LRRC4C: variants seen among roughly 807,000 people sequenced by gnomAD.
LRRC4C encodes leucine rich repeat containing 4C, also known as leucine-rich repeat-containing protein 4C.
In LRRC4C, 5 loss-of-function variants were observed where a neutral mutation model predicts 33.6. That is an observed-to-expected ratio of 0.15 (90% CI 0.08 to 0.31). LRRC4C has a LOEUF of 0.31. Among genes scored for constraint, LRRC4C ranks in the 10% least tolerant of loss-of-function variants. LRRC4C has a pLI of 1.00. For synonymous variants in LRRC4C, 329 were observed against 302.0 expected, an observed-to-expected ratio of 1.09 and a Z score of -0.93; for missense variants, 560 against 796.7, an observed-to-expected ratio of 0.70 and a Z score of 3.58.
chr11:40,898,285 CGGAGGTTGT>C (rs1956045350), intron 2 of LRRC4C, among the ~76,000 whole-genome samples: 1 of 127,902 alleles, frequency 7.8e-6, no homozygotes, highest in Admixed American at 9.8e-5. Flanking sequence ...ACCCGGGAGG[CGGAGGTTGT>C]GGTGGGCAGA....
chr11:40,573,686 C>G (rs939674118), intron 3 of LRRC4C, among the ~76,000 whole-genome samples: 3 of 152,130 alleles, frequency 2.0e-5, no homozygotes, highest in African/African-American at 7.2e-5. Flanking sequence ...CAGGGAGCAC[C>G]TAGCACAGTA....
chr11:40,467,902 T>C (rs925057230), intron 3 of LRRC4C, among the ~76,000 whole-genome samples: 2 of 152,164 alleles, frequency 1.3e-5, no homozygotes, highest in Non-Finnish European at 2.9e-5. Flanking sequence ...TGTTTGTTTG[T>C]TTTGTTTTAT....
chr11:40,628,506 A>AAAACC (rs1963178034), intron 3 of LRRC4C, among the ~76,000 whole-genome samples: 1 of 152,104 alleles, frequency 6.6e-6, no homozygotes, highest in Non-Finnish European at 1.5e-5. Flanking sequence ...AAAACAAAAC[A>AAAACC]AAACCTAATT....
At chr11:40,512,185 T>A (rs1403635165) in intron 3 of LRRC4C, among the ~76,000 whole-genome samples, 2 of 152,102 alleles carry the variant, frequency 1.3e-5, no homozygotes, top group Non-Finnish European at 2.9e-5. Context: ...TCTATCGGTA[T>A]GTAACAAGCA....
chr11:40,283,131 A>G (rs1047568674), intron 4 of LRRC4C, among the ~76,000 whole-genome samples: 2 of 152,232 alleles, frequency 1.3e-5, no homozygotes, highest in African/African-American at 4.8e-5. Context: ...GTCAGTGAGG[A>G]CTGTACATTA....
intron 2 of LRRC4C, among the ~76,000 whole-genome samples, chr11:40,766,353 TAAAAAAAAAAAA>T (rs60152534): frequency 8.8e-5 from 3 of 33,902 alleles, no homozygotes; most frequent in African/African-American, 2.1e-4. Flanking sequence ...TTCAGTCTGT[TAAAAAAAAAAAA>T]AAAAAAAAAA....
chr11:40,324,454 C>T (rs933104859), intron 3 of LRRC4C, among the ~76,000 whole-genome samples: 3 of 152,118 alleles, frequency 2.0e-5, no homozygotes, highest in Non-Finnish European at 4.4e-5. Context: ...AATCTCATGG[C>T]GTTCCTTTTG....
intron 2 of LRRC4C, among the ~76,000 whole-genome samples, chr11:40,903,904 AAT>A (rs552279246): frequency 4.5e-4 from 67 of 150,542 alleles, no homozygotes; most frequent in African/African-American, 6.3e-4. Context: ...GTACTTCATA[AAT>A]ATATATATAT....
At chr11:41,196,254 C>G (rs1486904171) in intron 1 of LRRC4C, among the ~76,000 whole-genome samples, 1 of 152,060 alleles carries the variant, frequency 6.6e-6, no homozygotes, top group Non-Finnish European at 1.5e-5. Flanking sequence ...AACACAGAGG[C>G]TGGCCACTCA....
Position 40,154,306 on chromosome 11 carries a change from A to AAAC in LRRC4C, c.-95-13454_-95-13453insGTT, listed in dbSNP as rs1437389263. On this transcript the variant is annotated intron_variant, in intron 5 of 6. Coordinates refer to ENST00000528697, the MANE Select transcript of LRRC4C (RefSeq NM_001258419.2). ...AAAAAGCAAAAAAAAAAAAAAAACA[A>AAAC]AAAGCAAAGTACACAGGCAACAAAG... Among the ~76,000 whole-genome samples the AAAC allele has an allele frequency of 2.3e-3, 351 of 151,932 alleles. 1 individual carries two copies. The highest frequency in any genetic ancestry group is 8.1e-3 in the African/African-American group (334 of 41,342).
At chr11:40,187,072 G>A (rs1480334012) in intron 5 of LRRC4C, among the ~76,000 whole-genome samples, 9 of 152,014 alleles carry the variant, frequency 5.9e-5, no homozygotes, top group Admixed American at 1.3e-4. Flanking sequence ...GACTGCCTGG[G>A]GCTCAAATCG....
At chr11:40,772,440 T>TA (rs1949797564) in intron 2 of LRRC4C, among the ~76,000 whole-genome samples, 1 of 152,140 alleles carries the variant, frequency 6.6e-6, no homozygotes, top group Non-Finnish European at 1.5e-5. Flanking sequence ...ACCATATCAC[T>TA]ACCACCTGAC....
chr11:40,220,818 T>TAATA (rs1864352598), intron 5 of LRRC4C, among the ~76,000 whole-genome samples: 1 of 151,986 alleles, frequency 6.6e-6, no homozygotes, highest in Admixed American at 6.6e-5. Flanking sequence ...CAATCTCTGT[T>TAATA]AATATTTTGG....
intron 1 of LRRC4C, among the ~76,000 whole-genome samples, chr11:41,337,957 G>A (rs571875678): frequency 6.6e-6 from 1 of 152,278 alleles, no homozygotes; most frequent in African/African-American, 2.4e-5. Flanking sequence ...CTGATCATTA[G>A]AGAAATGCAA....
rs1324147951 is a variant in LRRC4C, at chr11:40,610,737, T to C, written c.-270+37405A>G. 4.6e-5 allele frequency among the ~76,000 whole-genome samples: 7 copies of C among 151,610 alleles called. No homozygotes were observed. In the East Asian group the frequency reaches 1.4e-3, roughly 29 times the overall value. On this transcript the variant is annotated intron_variant, in intron 3 of 6. Transcript: ENST00000528697. ...CTTTTCTATACACTAAAATAAACAA[T>C]TTAAAAAGCAAATTAAGGAAACAGT...
intron 1 of LRRC4C, among the ~76,000 whole-genome samples, chr11:40,957,003 A>T (rs1157394868): frequency 6.6e-6 from 1 of 151,766 alleles, no homozygotes; most frequent in Non-Finnish European, 1.5e-5. Context: ...TGTTTAGTAA[A>T]GATTTGAAAA....
At chr11:40,540,204 T>C (rs1449086081) in intron 3 of LRRC4C, among the ~76,000 whole-genome samples, 1 of 152,182 alleles carries the variant, frequency 6.6e-6, no homozygotes, top group African/African-American at 2.4e-5. Flanking sequence ...TTGAAAGTCT[T>C]TTTCCCTCTT....
chr11:41,443,781 A>ATT lies in LRRC4C; in HGVS notation c.-496+15648_-496+15649dup, dbSNP rs11419487. ...CAGGTGCCCACCACCACACCTAGCT[A>ATT]TTTTTTTTTTTTTTTTTTTTTAGCA... On this transcript the variant is annotated intron_variant, in intron 1 of 6. Transcript: ENST00000528697. Among the ~76,000 whole-genome samples the ATT allele has an allele frequency of 9.0e-3, 1,033 of 115,090 alleles. 15 individuals carry two copies. Among genetic ancestry groups the ATT allele is most frequent in the African/African-American group, 0.02 (606 of 30,036 alleles). 75.5% of individuals were successfully genotyped at this position (115,090 alleles called of 152,430 possible). A position where few individuals can be genotyped will look rare whatever the true frequency, so the allele number is the denominator to read the frequency against.
At chr11:41,178,583 C>T (rs1945308461) in intron 1 of LRRC4C, among the ~76,000 whole-genome samples, 1 of 152,184 alleles carries the variant, frequency 6.6e-6, no homozygotes, top group Admixed American at 6.5e-5. Flanking sequence ...TCTCTAACTC[C>T]TGGCCTCAAG....
Sources: allele counts gnomAD v4.1 joint callset (sites outside exome capture counted in the v4.1 genomes callset), GRCh38; gene constraint gnomAD v4.1.1; transcripts MANE v1.5; gene names NCBI Gene and HGNC (gene_info 2026-07-23, HGNC 2026-07-21).